Variants in NEK11 observed in about 807,000 individuals in gnomAD.
NEK11 encodes the protein serine/threonine-protein kinase Nek11.
NEK11 carries 72 observed loss-of-function variants against 80.7 expected under a neutral mutation model. The ratio of observed to expected loss-of-function variants is 0.89; its 90% confidence interval spans 0.74 to 1.08. The LOEUF (loss-of-function observed/expected upper bound fraction) is 1.08. NEK11 is among the 50% of genes least tolerant of loss of function. The pLI is 0.00. For synonymous variants in NEK11, 251 were observed against 260.7 expected (o/e 0.96, Z 0.36); for missense variants, 764 against 763.6 (o/e 1.00, Z -0.01).
chr3:131,158,349 T>C (rs2149884809), intron 10 of NEK11, among the ~76,000 whole-genome samples: 1 of 152,280 alleles, frequency 6.6e-6, no homozygotes, highest in African/African-American at 2.4e-5. Flanking sequence ...TTTCCTGCCC[T>C]GCCAGCGTGC....
chr3:131,282,614 A>G (rs747940557), intron 17 of NEK11, among the ~76,000 whole-genome samples: 5 of 150,150 alleles, frequency 3.3e-5, no homozygotes, highest in Non-Finnish European at 7.4e-5. Context: ...ATTTTCTATA[A>G]ATAACAGTGA....
intron 3 of NEK11, among the ~76,000 whole-genome samples, chr3:131,062,049 A>G (rs1226888508): frequency 6.6e-6 from 1 of 152,210 alleles, no homozygotes; most frequent in Non-Finnish European, 1.5e-5. Flanking sequence ...AGCAAGTAAA[A>G]CAAGTAAAAA....
intron 7 of NEK11, among the ~76,000 whole-genome samples, chr3:131,149,379 G>A (rs1390658353): frequency 1.3e-5 from 2 of 151,904 alleles, no homozygotes; most frequent in African/African-American, 2.4e-5. Context: ...GTTGATGGGC[G>A]TTGAGGTTGA....
intron 3 of NEK11, among the ~76,000 whole-genome samples, chr3:131,068,709 C>T (rs2072553844): frequency 6.6e-6 from 1 of 152,140 alleles, no homozygotes; most frequent in Non-Finnish European, 1.5e-5. Flanking sequence ...TGACTAAATC[C>T]ATAAGCTGTC....
intron 17 of NEK11, among the ~76,000 whole-genome samples, chr3:131,344,645 G>C (rs2097334800): frequency 6.6e-6 from 1 of 152,174 alleles, no homozygotes; most frequent in Non-Finnish European, 1.5e-5. Flanking sequence ...ATTGGCTTAT[G>C]GTTTTCCAGC....
intron 17 of NEK11, among the ~76,000 whole-genome samples, chr3:131,292,963 TC>T (rs1460513890): frequency 6.6e-6 from 1 of 152,228 alleles, no homozygotes; most frequent in Non-Finnish European, 1.5e-5. Flanking sequence ...CTAGCTAGAA[TC>T]ACTTATTAGT....
At chr3:131,104,291 C>T (rs1421120478) in intron 4 of NEK11, among the ~76,000 whole-genome samples, 3 of 152,108 alleles carry the variant, frequency 2.0e-5, no homozygotes, top group South Asian at 2.1e-4. Flanking sequence ...ACTAACTGAT[C>T]AGGTGGGAGT....
chr3:131,177,558 G>A (rs189149013), intron 14 of NEK11, among the ~76,000 whole-genome samples: 16 of 152,202 alleles, frequency 1.1e-4, no homozygotes, highest in East Asian at 7.7e-4. Context: ...GCTCAAAGAC[G>A]TCCTCCTTGA....
intron 14 of NEK11, among the ~76,000 whole-genome samples, chr3:131,212,537 A>C (rs1280561970): frequency 1.3e-5 from 2 of 152,210 alleles, no homozygotes; most frequent in Non-Finnish European, 2.9e-5. Context: ...TTGGAAATGC[A>C]GAATCACCCA....
chr3:131,346,156 T>G (rs1443265838), intron 17 of NEK11, among the ~76,000 whole-genome samples: 3 of 152,126 alleles, frequency 2.0e-5, no homozygotes, highest in Non-Finnish European at 4.4e-5. Context: ...TTATATTGTA[T>G]TGGGAATTTT....
At chr3:131,133,432 GCTCC>G in intron 6 of NEK11, 1 of 319,764 alleles carries the variant, frequency 3.1e-6, no homozygotes, top group Non-Finnish European at 6.0e-6. Context: ...TCTTTAAAAC[GCTCC>G]ATTATTGTAA....
chr3:131,157,115 CT>C (rs2090805347), intron 10 of NEK11, among the ~76,000 whole-genome samples: 1 of 152,062 alleles, frequency 6.6e-6, no homozygotes, highest in Non-Finnish European at 1.5e-5. Context: ...CTTAAAATCC[CT>C]GGTAACAAAA....
intron 5 of NEK11, among the ~76,000 whole-genome samples, chr3:131,115,944 T>TTCTTTCTTTC (rs2081047384): frequency 3.3e-5 from 4 of 121,750 alleles, no homozygotes; most frequent in Non-Finnish European, 5.4e-5. Flanking sequence ...CTTTCTTTCT[T>TTCTTTCTTTC]TCTTTCTTTC....
intron 17 of NEK11, among the ~76,000 whole-genome samples, chr3:131,277,437 C>T (rs370073998): frequency 5.3e-5 from 8 of 152,352 alleles, no homozygotes; most frequent in Admixed American, 2.0e-4. Flanking sequence ...CCTCCACAGC[C>T]TTCCCCATTG....
chr3:131,117,770 T>C (rs1276502176), intron 5 of NEK11, among the ~76,000 whole-genome samples: 1 of 152,194 alleles, frequency 6.6e-6, no homozygotes, highest in Non-Finnish European at 1.5e-5. Context: ...ATGATTTGGC[T>C]CTCTATCTGT....
At chr3:131,179,465 G>T (rs1484865311) in intron 14 of NEK11, among the ~76,000 whole-genome samples, 1 of 152,206 alleles carries the variant, frequency 6.6e-6, no homozygotes, top group African/African-American at 2.4e-5. Flanking sequence ...TAGTCTGTAT[G>T]CATGTGAGGA....
intron 15 of NEK11, among the ~76,000 whole-genome samples, chr3:131,242,301 T>C (rs2108088443): frequency 6.6e-6 from 1 of 152,200 alleles, no homozygotes; most frequent in South Asian, 2.1e-4. Context: ...TGAAGAACAT[T>C]TAAGTTCATC....
At chr3:131,242,485 T>C (rs1449209519) in intron 15 of NEK11, among the ~76,000 whole-genome samples, 1 of 152,100 alleles carries the variant, frequency 6.6e-6, no homozygotes, top group Non-Finnish European at 1.5e-5. Context: ...AGGGAAGAAA[T>C]GCAAAAGTTC....
intron 5 of NEK11, among the ~76,000 whole-genome samples, chr3:131,117,700 G>GT (rs994321721): frequency 1.3e-5 from 2 of 152,252 alleles, no homozygotes; most frequent in Admixed American, 6.5e-5. Context: ...CACATCCCTT[G>GT]TAAGTTGGAT....
Sources: allele counts gnomAD v4.1 joint callset (sites outside exome capture counted in the v4.1 genomes callset), GRCh38; gene constraint gnomAD v4.1.1; transcripts MANE v1.5; gene names NCBI Gene and HGNC (gene_info 2026-07-23, HGNC 2026-07-21).